The following DIAPH2 variants were observed in gnomAD, a reference collection of about 807,000 sequenced individuals.
The protein encoded by DIAPH2 is diaphanous related formin 2.
In DIAPH2, 35 loss-of-function variants were observed where a neutral mutation model predicts 92.7. That is an observed-to-expected ratio of 0.38 (90% CI 0.29 to 0.50). DIAPH2 has a LOEUF of 0.50. DIAPH2 is among the 20% of genes least tolerant of loss of function. The pLI is 0.94. For synonymous variants in DIAPH2, 301 were observed against 280.4 expected, an observed-to-expected ratio of 1.07 and a Z score of -0.73; for missense variants, 701 against 819.5, an observed-to-expected ratio of 0.86 and a Z score of 1.77.
chrX:97,497,757 T>TA (rs1482273673), intron 26 of DIAPH2, among the ~76,000 whole-genome samples: 1 of 110,612 alleles, frequency 9.0e-6, no homozygotes, highest in Non-Finnish European at 1.9e-5. Flanking sequence ...AGTGAGCCAA[T>TA]ATCATGCCAC....
intron 12 of DIAPH2, among the ~76,000 whole-genome samples, 174 bp downstream of exon 12, chrX:96,939,556 A>G (rs778965008): frequency 0.013 from 903 of 66,910 alleles, 15 homozygotes; most frequent in Middle Eastern, 0.038. Flanking sequence ...GTATATATGT[A>G]TATATATATA....
intron 4 of DIAPH2, among the ~76,000 whole-genome samples, chrX:96,798,243 GT>G (rs752782001): frequency 3.4e-4 from 38 of 112,113 alleles, no homozygotes; most frequent in African/African-American, 1.2e-3. Flanking sequence ...AATTTTTTCT[GT>G]AGTAGATCAC....
intron 25 of DIAPH2, among the ~76,000 whole-genome samples, chrX:97,400,667 A>G (rs1311067708): frequency 1.1e-5 from 1 of 92,257 alleles, no homozygotes; most frequent in Non-Finnish European, 2.2e-5. Flanking sequence ...TCTTTAACCA[A>G]CATCTGCCCA....
At chrX:96,937,882 A>C (rs2065668176) in intron 11 of DIAPH2, among the ~76,000 whole-genome samples, 1 of 112,104 alleles carries the variant, frequency 8.9e-6, no homozygotes, top group Non-Finnish European at 1.9e-5. Flanking sequence ...CAGCTAGCAT[A>C]TAACCTTCCG....
intron 23 of DIAPH2, among the ~76,000 whole-genome samples, chrX:97,277,648 G>T (rs926900531): frequency 9.0e-6 from 1 of 111,343 alleles, no homozygotes; most frequent in Non-Finnish European, 1.9e-5. Flanking sequence ...GGTAAGTCCA[G>T]CTAAATCCTC....
chrX:97,055,637 G>T lies in DIAPH2; in HGVS notation c.2051-17304G>T, dbSNP rs137870861. On this transcript the variant is annotated intron_variant, in intron 17 of 26. Transcript: ENST00000324765. ...CACATAGATTAATGATTGAAGTCAG[G>T]GTAGTGGATTGCACAGGGCAAAAAA... Among the ~76,000 whole-genome samples, 826 of 110,926 alleles carry T rather than the reference G, an allele frequency of 7.4e-3. 11 individuals are homozygous for T. Among genetic ancestry groups the T allele is most frequent in the African/African-American group, 0.025 (777 of 30,478 alleles).
intron 23 of DIAPH2, among the ~76,000 whole-genome samples, chrX:97,253,574 C>T (rs966825557): frequency 1.6e-4 from 17 of 108,975 alleles, no homozygotes; most frequent in South Asian, 4.0e-4. Context: ...GGCGAGACCC[C>T]GTCTCTACTA....
At chrX:97,433,235 G>A (rs1417590396) in intron 26 of DIAPH2, among the ~76,000 whole-genome samples, 1 of 110,991 alleles carries the variant, frequency 9.0e-6, no homozygotes, top group Admixed American at 9.6e-5. Flanking sequence ...AAAAGGCTGG[G>A]CGTGGTGGCT....
At chrX:97,220,901 G>A (rs747460980) in intron 22 of DIAPH2, among the ~76,000 whole-genome samples, 2 of 111,242 alleles carry the variant, frequency 1.8e-5, no homozygotes, top group East Asian at 5.6e-4. Flanking sequence ...TACTGTCCTT[G>A]GTCTCCAGGT....
intron 23 of DIAPH2, among the ~76,000 whole-genome samples, chrX:97,272,983 C>A (rs988238825): frequency 9.0e-6 from 1 of 111,123 alleles, no homozygotes; most frequent in Admixed American, 9.6e-5. Context: ...TGGAGAAACC[C>A]AGTCTGTACT....
chrX:97,510,713 C>G (rs751689090), intron 26 of DIAPH2, among the ~76,000 whole-genome samples: 2,534 of 95,415 alleles, frequency 0.027, 30 homozygotes, highest in Middle Eastern at 0.045. Flanking sequence ...GATGCAGTTT[C>G]AGCTTTCTAC....
chrX:96,959,808 T>C (rs374902173), intron 16 of DIAPH2, among the ~76,000 whole-genome samples: 1 of 111,374 alleles, frequency 9.0e-6, no homozygotes, highest in Admixed American at 9.5e-5. Context: ...GTGGGAGATA[T>C]AGGTCAGGTT....
chrX:96,728,212 GT>G (rs781113802), intron 1 of DIAPH2, among the ~76,000 whole-genome samples: 29 of 102,406 alleles, frequency 2.8e-4, no homozygotes, highest in Admixed American at 3.2e-4. Flanking sequence ...TATATGGTTA[GT>G]TTTTTTTTTT....
rs1312412032 is a variant in DIAPH2 at position 97,002,503 on chromosome X, C to A, written c.2050+37296C>A. Among the ~76,000 whole-genome samples, 3 of 111,311 alleles carry A rather than the reference C, an allele frequency of 2.7e-5. No individual in the cohort carries two copies. The East Asian group carries it at 8.4e-4, about 31-fold the overall frequency. Reference sequence around the variant, plus strand: ...TCATAGAAGACTTTAGTTGTTAATTCTTAGGTCAAGATCTAAGTATGTTTC... The same window carrying A: ...TCATAGAAGACTTTAGTTGTTAATTATTAGGTCAAGATCTAAGTATGTTTC... On this transcript the variant is annotated intron_variant, in intron 17 of 26. Coordinates refer to ENST00000324765, the MANE Select transcript of DIAPH2 (RefSeq NM_006729.5).
chrX:97,192,310 A>AAAAAG (rs1158416974), intron 22 of DIAPH2, among the ~76,000 whole-genome samples: 8 of 102,970 alleles, frequency 7.8e-5, no homozygotes, highest in Non-Finnish European at 1.1e-4. Context: ...AAAAAAAAAA[A>AAAAAG]AAAAGAAAAG....
At chrX:97,365,289 C>T (rs1025573217) in intron 24 of DIAPH2, among the ~76,000 whole-genome samples, 8 of 111,805 alleles carry the variant, frequency 7.2e-5, no homozygotes, top group Non-Finnish European at 1.1e-4. Context: ...TTCCCATGGA[C>T]TACTGCAGTA....
intron 25 of DIAPH2, among the ~76,000 whole-genome samples, chrX:97,426,289 CTT>C (rs377271017): frequency 5.0e-5 from 5 of 100,353 alleles, no homozygotes; most frequent in Non-Finnish European, 6.1e-5. Context: ...ATTTCCCTGC[CTT>C]TTTTTTTTTT....
intron 24 of DIAPH2, among the ~76,000 whole-genome samples, chrX:97,373,400 T>C (rs750967725): frequency 9.1e-6 from 1 of 109,776 alleles, no homozygotes; most frequent in Non-Finnish European, 1.9e-5. Flanking sequence ...CTGAAAACTA[T>C]TATTATGTAA....
At chrX:96,764,262 G>A (rs1000757312) in intron 4 of DIAPH2, among the ~76,000 whole-genome samples, 2 of 110,929 alleles carry the variant, frequency 1.8e-5, no homozygotes, top group African/African-American at 3.3e-5. Context: ...CACTTAAATT[G>A]GGCTTTCAGG....
Sources: gnomAD v4.1 joint callset for allele counts (sites outside exome capture counted in the v4.1 genomes callset) on GRCh38, gnomAD v4.1.1 for gene constraint, MANE v1.5 for transcripts, NCBI Gene and HGNC (gene_info 2026-07-23, HGNC 2026-07-21) for gene names.